The following ZFHX3 variants were observed in gnomAD, a reference collection of about 807,000 sequenced individuals.
The protein encoded by ZFHX3 is zinc finger homeobox protein 3.
A neutral mutation model predicts 279.1 loss-of-function variants in ZFHX3; 42 were observed. The ratio of observed to expected loss-of-function variants is 0.15; its 90% confidence interval spans 0.12 to 0.19. ZFHX3 has a LOEUF of 0.19. Ranked by LOEUF, ZFHX3 falls within the 10% of genes least tolerant of loss-of-function variation. The pLI, the probability that ZFHX3 is intolerant of heterozygous loss-of-function variation, is 1.00. For synonymous variants in ZFHX3, 2,293 were observed against 1,957.8 expected, an observed-to-expected ratio of 1.17 and a Z score of -4.52; for missense variants, 4,981 against 4,754.0, an observed-to-expected ratio of 1.05 and a Z score of -1.40.
At chr16:73,571,195 G>C (rs1444381646) in intron 2 of ZFHX3, among the ~76,000 whole-genome samples, 1 of 151,740 alleles carries the variant, frequency 6.6e-6, no homozygotes. Flanking sequence ...TTAAGAAATT[G>C]TTGATAGAAA....
chr16:73,687,971 C>A (rs528844916), intron 1 of ZFHX3, among the ~76,000 whole-genome samples: 2 of 151,130 alleles, frequency 1.3e-5, no homozygotes, highest in African/African-American at 2.4e-5. Context: ...TTTTTTCCAA[C>A]GTAAGACGCA....
intron 1 of ZFHX3, among the ~76,000 whole-genome samples, chr16:73,012,997 C>T (rs920942181): frequency 6.6e-5 from 10 of 152,194 alleles, no homozygotes. Flanking sequence ...TCCCCCAGGA[C>T]TCCTGGACTG....
intron 3 of ZFHX3, chr16:73,388,808 C>A (rs1175460069): frequency 6.6e-6 from 1 of 152,270 alleles, no homozygotes; most frequent in African/African-American, 2.4e-5. Context: ...TTAGTTCGAT[C>A]TTTTCCTTCC....
chr16:73,268,155 T>C (rs2014032798), intron 4 of ZFHX3, among the ~76,000 whole-genome samples: 1 of 152,206 alleles, frequency 6.6e-6, no homozygotes, highest in Non-Finnish European at 1.5e-5. Context: ...ATCATACTCT[T>C]CTTCCTTTTT....
chr16:72,814,693 G>T (rs776855450), intron 5 of ZFHX3, among the ~76,000 whole-genome samples: 7 of 150,792 alleles, frequency 4.6e-5, no homozygotes, highest in Middle Eastern at 3.2e-3. Context: ...CCATTATAAA[G>T]TGTTTTAAAA....
At chr16:73,428,689 G>C (rs1451030994) in intron 3 of ZFHX3, among the ~76,000 whole-genome samples, 3 of 151,964 alleles carry the variant, frequency 2.0e-5, no homozygotes, top group Non-Finnish European at 4.4e-5. Flanking sequence ...GACAGACAGA[G>C]AGATAGAATA....
chr16:73,632,765 C>T (rs377627000), intron 2 of ZFHX3, among the ~76,000 whole-genome samples: 18 of 151,466 alleles, frequency 1.2e-4, no homozygotes, highest in African/African-American at 4.1e-4. Flanking sequence ...AAGCAATGGA[C>T]GAAGTTAACA....
intron 5 of ZFHX3, among the ~76,000 whole-genome samples, chr16:73,148,052 G>A (rs1272194709): frequency 6.6e-6 from 1 of 152,204 alleles, no homozygotes; most frequent in Non-Finnish European, 1.5e-5. Context: ...AGCAAGCTAT[G>A]GCTGGCAGGC....
chr16:72,961,910 AAACCAAACC>A (rs1961597944), intron 1 of ZFHX3, among the ~76,000 whole-genome samples: 1 of 151,820 alleles, frequency 6.6e-6, no homozygotes, highest in African/African-American at 2.4e-5. Context: ...AAACCAAACC[AAACCAAACC>A]AAACCAAACC....
At chr16:73,668,149 A>G (rs2052864432) in intron 2 of ZFHX3, among the ~76,000 whole-genome samples, 1 of 151,988 alleles carries the variant, frequency 6.6e-6, no homozygotes, top group Non-Finnish European at 1.5e-5. Flanking sequence ...GTGCCAGACT[A>G]TTTTTCGGCA....
intron 3 of ZFHX3, among the ~76,000 whole-genome samples, chr16:73,370,060 G>C (rs1418438571): frequency 6.6e-6 from 1 of 152,186 alleles, no homozygotes; most frequent in Non-Finnish European, 1.5e-5. Context: ...TTCACACTGA[G>C]GTCAGTGCCT....
In ZFHX3 at chr16:72,787,466, C is replaced by A; in HGVS notation, c.10810G>T (p.Ala3604Ser). The change falls in exon 10 of 10, where the codon GCC becomes TCC. Residue 3604 changes from alanine to serine, a missense_variant. Coordinates refer to ENST00000268489, the MANE Select transcript of ZFHX3 (RefSeq NM_006885.4). Reference protein sequence around the residue: ...NDSPPPPSAAAPSSASPHASR... With the variant: ...NDSPPPPSAASPSSASPHASR... ...GCGTGGGGGGAAGCGGAGGAGGGGGCGGCGGCCGACGGGGGAGGGGGGCTG... is the reference window on the plus strand; with the variant it reads ...GCGTGGGGGGAAGCGGAGGAGGGGGAGGCGGCCGACGGGGGAGGGGGGCTG... 8.3e-7 allele frequency: 1 copy of A among 1,203,484 alleles called. No homozygotes were observed. Among genetic ancestry groups the A allele is most frequent in the South Asian group, 1.8e-5 (1 of 54,436 alleles). 74.6% of individuals were successfully genotyped at this position (1,203,484 alleles called of 1,614,324 possible). A position where few individuals can be genotyped will look rare whatever the true frequency, so the allele number is the denominator to read the frequency against.
intron 1 of ZFHX3, among the ~76,000 whole-genome samples, chr16:72,963,091 C>T (rs1156595364): frequency 1.3e-5 from 2 of 152,144 alleles, no homozygotes; most frequent in African/African-American, 4.8e-5. Context: ...ACACGGTTTC[C>T]CGTAAAATCA....
chr16:72,920,537 A>T (rs2039558429), intron 3 of ZFHX3, among the ~76,000 whole-genome samples: 1 of 151,946 alleles, frequency 6.6e-6, no homozygotes, highest in East Asian at 1.9e-4. Context: ...AGAAAAAAAA[A>T]AATTATCTGG....
intron 6 of ZFHX3, among the ~76,000 whole-genome samples, chr16:73,141,621 C>T (rs2144834195): frequency 6.6e-6 from 1 of 152,270 alleles, no homozygotes; most frequent in South Asian, 2.1e-4. Context: ...TGGTCTCAAA[C>T]TCCTGGGCTC....
At chr16:73,889,169 G>A (rs2030445855) in intron 1 of ZFHX3, among the ~76,000 whole-genome samples, 1 of 152,132 alleles carries the variant, frequency 6.6e-6, no homozygotes, top group Admixed American at 6.5e-5. Flanking sequence ...AAGGCAAGGA[G>A]AAAGCCGGTC....
At chr16:73,761,418 T>C (rs1231149780) in intron 1 of ZFHX3, among the ~76,000 whole-genome samples, 1 of 152,184 alleles carries the variant, frequency 6.6e-6, no homozygotes, top group Admixed American at 6.5e-5. Context: ...CCCAAAGTAA[T>C]TTATACATTC....
chr16:73,118,955 G>A (rs780807609), intron 7 of ZFHX3, among the ~76,000 whole-genome samples: 4 of 152,112 alleles, frequency 2.6e-5, no homozygotes, highest in Non-Finnish European at 5.9e-5. Flanking sequence ...TGAGAGCCCT[G>A]AATAACTTGA....
At chr16:73,636,888 C>T (rs1449051626) in intron 2 of ZFHX3, among the ~76,000 whole-genome samples, 1 of 151,618 alleles carries the variant, frequency 6.6e-6, no homozygotes, top group Non-Finnish European at 1.5e-5. Context: ...TTTATTTGGG[C>T]TAGGGGTAGA....
Sources: gnomAD v4.1 joint callset for allele counts (sites outside exome capture counted in the v4.1 genomes callset) on GRCh38, gnomAD v4.1.1 for gene constraint, MANE v1.5 for transcripts, NCBI Gene and HGNC (gene_info 2026-07-23, HGNC 2026-07-21) for gene names.